Variants in CDIN1 observed in about 807,000 individuals in gnomAD.
CDIN1 encodes the protein CDAN1-interacting nuclease 1.
In CDIN1, 33 loss-of-function variants were observed where a neutral mutation model predicts 45.3. The ratio of observed to expected loss-of-function variants is 0.73; its 90% CI spans 0.55 to 0.97. The LOEUF (loss-of-function observed/expected upper bound fraction) is 0.97. Among genes scored for constraint, CDIN1 ranks in the 50% least tolerant of loss-of-function variants. The probability of loss-of-function intolerance (pLI) is 0.00; values close to 1 mark genes in which losing one functional copy is unlikely to be tolerated. For synonymous variants in CDIN1, 118 were observed against 124.4 expected (o/e 0.95, Z 0.34); for missense variants, 303 against 339.4 (o/e 0.89, Z 0.84).
At chr15:36,765,511 T>A (rs969204267) in intron 10 of CDIN1, among the ~76,000 whole-genome samples, 3 of 152,166 alleles carry the variant, frequency 2.0e-5, no homozygotes, top group Non-Finnish European at 4.4e-5. Flanking sequence ...GAGTTTACGT[T>A]AAAAAAAGTA....
chr15:36,739,315 A>G (rs1433590032), intron 10 of CDIN1, among the ~76,000 whole-genome samples: 1 of 152,246 alleles, frequency 6.6e-6, no homozygotes, highest in African/African-American at 2.4e-5. Context: ...TGAGGTGGAA[A>G]GATCCCTTAA....
chr15:36,584,942 C>T (rs561352221), intron 1 of CDIN1, among the ~76,000 whole-genome samples: 3 of 152,322 alleles, frequency 2.0e-5, no homozygotes, highest in East Asian at 1.9e-4. Flanking sequence ...GTAATGGGCC[C>T]TTTGGCACCT....
intron 1 of CDIN1, among the ~76,000 whole-genome samples, chr15:36,580,986 T>C (rs1236130397): frequency 2.0e-5 from 3 of 152,262 alleles, no homozygotes; most frequent in African/African-American, 7.2e-5. Flanking sequence ...GTTATGACTT[T>C]GCTTTTTGAA....
At chr15:36,805,725 C>T (rs564694027) in intron 10 of CDIN1, among the ~76,000 whole-genome samples, 1 of 152,194 alleles carries the variant, frequency 6.6e-6, no homozygotes, top group East Asian at 1.9e-4. Context: ...AGGTAGGTTG[C>T]TGAAAGATTA....
chr15:36,701,125 G>GGT (rs1566912618), intron 8 of CDIN1, among the ~76,000 whole-genome samples: 370 of 35,684 alleles, frequency 0.01, 2 homozygotes, highest in African/African-American at 0.029. Flanking sequence ...TAGGTAGGTA[G>GGT]ATAGATAGAT....
chr15:36,585,033 A>C (rs2037230821), intron 1 of CDIN1, among the ~76,000 whole-genome samples: 1 of 152,214 alleles, frequency 6.6e-6, no homozygotes, highest in Non-Finnish European at 1.5e-5. Context: ...TCTTGTGGAC[A>C]TTCTTAGAAG....
chr15:36,606,177 T>A (rs368776945), intron 1 of CDIN1, among the ~76,000 whole-genome samples: 5 of 152,096 alleles, frequency 3.3e-5, no homozygotes, highest in South Asian at 4.1e-4. Flanking sequence ...GTTACATATA[T>A]TTTATATATA....
chr15:36,619,143 C>T, intron 1 of CDIN1: 1 of 1,120,602 alleles, frequency 8.9e-7, no homozygotes, highest in South Asian at 1.4e-5. Context: ...GAGGCCATAC[C>T]ATTCCCAGGG....
chr15:36,688,682 A>G (rs1419195337), intron 5 of CDIN1, among the ~76,000 whole-genome samples: 1 of 152,244 alleles, frequency 6.6e-6, no homozygotes, highest in African/African-American at 2.4e-5. Context: ...AACAGCTTCC[A>G]TAAAAGACAC....
At chr15:36,792,939 ATCTT>A (rs1366232231) in intron 10 of CDIN1, among the ~76,000 whole-genome samples, 3 of 151,872 alleles carry the variant, frequency 2.0e-5, no homozygotes, top group Admixed American at 6.6e-5. Context: ...CATGGCCATG[ATCTT>A]TCTTTCTCCT....
At chr15:36,757,306 C>T (rs2053634875) in intron 10 of CDIN1, among the ~76,000 whole-genome samples, 1 of 152,124 alleles carries the variant, frequency 6.6e-6, no homozygotes, top group Non-Finnish European at 1.5e-5. Flanking sequence ...AACAAAAATC[C>T]AGCCATGTAA....
At chr15:36,582,340 C>CAAA (rs2037085572) in intron 1 of CDIN1, among the ~76,000 whole-genome samples, 1 of 152,142 alleles carries the variant, frequency 6.6e-6, no homozygotes, top group Non-Finnish European at 1.5e-5. Context: ...TTTGTATTTA[C>CAAA]TCTAGTCATA....
chr15:36,784,852 G>T (rs1192317684), intron 10 of CDIN1, among the ~76,000 whole-genome samples: 3 of 152,088 alleles, frequency 2.0e-5, no homozygotes, highest in African/African-American at 4.8e-5. Flanking sequence ...GCTCTTGCTA[G>T]AAATAGGCTG....
chr15:36,647,186 G>A (rs1296374808), intron 3 of CDIN1, among the ~76,000 whole-genome samples: 1 of 149,046 alleles, frequency 6.7e-6, no homozygotes, highest in Admixed American at 6.7e-5. Context: ...ACCATGGCCA[G>A]CTAATTAAAA....
rs567666240 is a variant in CDIN1, at chr15:36,632,483, A to T, written c.102-11795A>T. Reference sequence around the variant, plus strand: ...GACACCACACCCAGACAGACTTTTCACCAGTACTTCTGAGGGCTGCCACCT... The same window carrying T: ...GACACCACACCCAGACAGACTTTTCTCCAGTACTTCTGAGGGCTGCCACCT... On this transcript the variant is annotated intron_variant, in intron 1 of 10. Coordinates refer to ENST00000566621, the MANE Select transcript of CDIN1 (RefSeq NM_001321759.2). 7.2e-5 allele frequency among the ~76,000 whole-genome samples: 11 copies of T among 152,318 alleles called. No homozygotes were observed. In the South Asian group the frequency reaches 2.3e-3, roughly 32 times the overall value.
intron 3 of CDIN1, among the ~76,000 whole-genome samples, chr15:36,650,879 A>G (rs1595422566): frequency 1.3e-5 from 2 of 152,122 alleles, no homozygotes; most frequent in South Asian, 4.1e-4. Flanking sequence ...CTTAGCCAAC[A>G]TGGCAAAACC....
At chr15:36,643,463 G>T (rs1216756493) in intron 1 of CDIN1, among the ~76,000 whole-genome samples, 4 of 152,232 alleles carry the variant, frequency 2.6e-5, no homozygotes, top group Non-Finnish European at 5.9e-5. Flanking sequence ...TAGGAAAATA[G>T]AAATAATTGT....
rs75201004 is a variant in CDIN1, at chr15:36,692,212, C to T, written c.476+37C>T. The T allele has an allele frequency of 6.1e-4, 963 of 1,584,176 alleles. 4 individuals are homozygous for T. In the African/African-American group the frequency reaches 0.011, roughly 19 times the overall value. ...CATAAAATTTTAGGTGCGCAATTGA[C>T]GAGCTTAGACTCAGTGGAGATGTGT... On this transcript the variant is annotated intron_variant, in intron 7 of 10. Transcript: ENST00000566621.
At chr15:36,696,538 T>C (rs1242743060) in intron 7 of CDIN1, 1 of 152,264 alleles carries the variant, frequency 6.6e-6, no homozygotes, top group African/African-American at 2.4e-5. Flanking sequence ...TATTAAGTGC[T>C]TAATAAATGT....
Sources: allele counts gnomAD v4.1 joint callset (sites outside exome capture counted in the v4.1 genomes callset), GRCh38; gene constraint gnomAD v4.1.1; transcripts MANE v1.5; gene names NCBI Gene and HGNC (gene_info 2026-07-23, HGNC 2026-07-21).